The following LPP variants were observed in gnomAD, a reference collection of about 807,000 sequenced individuals.
LPP encodes lipoma-preferred partner.
In LPP, 38 loss-of-function variants were observed where a neutral mutation model predicts 60.4. The observed-to-expected ratio is 0.63, with a 90% confidence interval of 0.49 to 0.83. LPP has a LOEUF of 0.83. Ranked by LOEUF, LPP falls within the 40% of genes least tolerant of loss-of-function variation. The pLI, the probability that LPP is intolerant of heterozygous loss-of-function variation, is 0.00. For synonymous variants in LPP, 328 were observed against 290.8 expected (o/e 1.13, Z -1.30); for missense variants, 902 against 783.6 (o/e 1.15, Z -1.80).
chr3:188,817,457 T>C (rs1752769419), intron 9 of LPP, among the ~76,000 whole-genome samples: 1 of 152,242 alleles, frequency 6.6e-6, no homozygotes, highest in African/African-American at 2.4e-5. Context: ...CACTTAGTTC[T>C]GTATTATAGA....
chr3:188,244,007 C>T (rs1725958589), intron 2 of LPP, among the ~76,000 whole-genome samples: 1 of 152,114 alleles, frequency 6.6e-6, no homozygotes, highest in South Asian at 2.1e-4. Flanking sequence ...TCCTGAGTAG[C>T]TTACAGGTGC....
intron 9 of LPP, among the ~76,000 whole-genome samples, chr3:188,846,458 C>T (rs948263670): frequency 5.9e-5 from 9 of 151,834 alleles, no homozygotes; most frequent in East Asian, 3.9e-4. Flanking sequence ...CTGAGGCGGG[C>T]GGATCACGTG....
rs1230286064 is a variant in LPP at position 188,602,158 on chromosome 3, A to ATG, written c.430-7002_430-7001insGT. 4.0e-5 allele frequency among the ~76,000 whole-genome samples: 5 copies of ATG among 125,564 alleles called. 1 individual carries two copies. Among genetic ancestry groups the ATG allele is most frequent in the Non-Finnish European group, 1.8e-5 (1 of 56,784 alleles). The allele number at this position is 125,564 out of a possible 152,430, so 82.4% of individuals were successfully genotyped here. A position where few individuals can be genotyped will look rare whatever the true frequency, so the allele number is the denominator to read the frequency against. On this transcript the variant is annotated intron_variant, in intron 6 of 11. Transcript: ENST00000617246. ...TCTTAATCTCATATATATATAATAT[A>ATG]TATATAATATATATATATTATATAT...
intron 1 of LPP, among the ~76,000 whole-genome samples, chr3:188,156,192 G>C (rs1177487370): frequency 6.6e-6 from 1 of 152,158 alleles, no homozygotes; most frequent in Non-Finnish European, 1.5e-5. Flanking sequence ...GGGTCTGGCA[G>C]TCCCCCCAGA....
At chr3:188,252,899 G>A (rs1386195245) in intron 2 of LPP, among the ~76,000 whole-genome samples, 1 of 152,148 alleles carries the variant, frequency 6.6e-6, no homozygotes, top group Non-Finnish European at 1.5e-5. Context: ...AACCTCCCAA[G>A]TAGCTGGGAT....
chr3:188,453,328 G>A (rs1029020529), intron 4 of LPP, among the ~76,000 whole-genome samples: 1 of 151,852 alleles, frequency 6.6e-6, no homozygotes, highest in African/African-American at 2.4e-5. Context: ...TTTGAGACAG[G>A]GTCTCACTCC....
chr3:188,780,816 T>G (rs1739397593), intron 9 of LPP, among the ~76,000 whole-genome samples: 1 of 152,178 alleles, frequency 6.6e-6, no homozygotes, highest in Non-Finnish European at 1.5e-5. Context: ...GCCAGAAAAT[T>G]TACATATGTG....
chr3:188,602,694 A>T, intron 6 of LPP, among the ~76,000 whole-genome samples: 1 of 149,650 alleles, frequency 6.7e-6, no homozygotes. Context: ...GTGATATAGA[A>T]ATATTTTTTT....
chr3:188,296,642 C>G (rs1747993580), intron 2 of LPP, among the ~76,000 whole-genome samples: 2 of 152,224 alleles, frequency 1.3e-5, no homozygotes, highest in Admixed American at 6.5e-5. Flanking sequence ...CACACAGAGG[C>G]AGATGGCAAT....
At chr3:188,354,955 T>C (rs1374775381) in intron 3 of LPP, among the ~76,000 whole-genome samples, 1 of 152,210 alleles carries the variant, frequency 6.6e-6, no homozygotes, top group African/African-American at 2.4e-5. Flanking sequence ...TTCCAGTAGA[T>C]TGGGAGCACC....
intron 4 of LPP, among the ~76,000 whole-genome samples, chr3:188,432,604 T>C (rs1169650437): frequency 6.6e-6 from 1 of 151,976 alleles, no homozygotes; most frequent in Admixed American, 6.6e-5. Flanking sequence ...CAGGTTATCC[T>C]TGTGTTGGGG....
chr3:188,251,534 C>A (rs1033772480), intron 2 of LPP, among the ~76,000 whole-genome samples: 1 of 151,912 alleles, frequency 6.6e-6, no homozygotes, highest in Non-Finnish European at 1.5e-5. Flanking sequence ...GTAAACAAAA[C>A]CTACGTGTAT....
chr3:188,556,554 ACT>A (rs919206528), intron 6 of LPP, among the ~76,000 whole-genome samples: 3 of 147,926 alleles, frequency 2.0e-5, no homozygotes, highest in Non-Finnish European at 4.5e-5. Flanking sequence ...AATCATACAA[ACT>A]CTTTCTAGAG....
intron 9 of LPP, among the ~76,000 whole-genome samples, chr3:188,788,803 AC>A (rs1418601483): frequency 6.6e-6 from 1 of 151,958 alleles, no homozygotes; most frequent in Non-Finnish European, 1.5e-5. Flanking sequence ...CCGGCTCTAA[AC>A]CTTTTAGTCA....
chr3:188,468,100 A>T (rs2149496488), intron 4 of LPP, among the ~76,000 whole-genome samples: 1 of 152,274 alleles, frequency 6.6e-6, no homozygotes, highest in African/African-American at 2.4e-5. Context: ...ATATGAAAAG[A>T]ATACGAAATG....
chr3:188,367,434 T>C (rs1435693209), intron 3 of LPP, among the ~76,000 whole-genome samples: 1 of 152,150 alleles, frequency 6.6e-6, no homozygotes, highest in African/African-American at 2.4e-5. Context: ...ATAGATCTGG[T>C]ATAGATAAAA....
chr3:188,519,311 C>A (rs1331016958), intron 5 of LPP, among the ~76,000 whole-genome samples: 2 of 152,140 alleles, frequency 1.3e-5, no homozygotes, highest in Non-Finnish European at 2.9e-5. Context: ...GATATTCCTG[C>A]CTGACTTATT....
At chr3:188,567,450 C>T (rs2150780979) in intron 6 of LPP, among the ~76,000 whole-genome samples, 1 of 151,670 alleles carries the variant, frequency 6.6e-6, no homozygotes, top group Admixed American at 6.6e-5. Flanking sequence ...CATTGTAACA[C>T]ATATTAAGTG....
chr3:188,599,094 C>A (rs749936867), intron 6 of LPP, among the ~76,000 whole-genome samples: 7 of 152,236 alleles, frequency 4.6e-5, no homozygotes, highest in Admixed American at 4.6e-4. Flanking sequence ...TTATCCAGTG[C>A]TGGACACATG....
Sources: gnomAD v4.1 joint callset for allele counts (sites outside exome capture counted in the v4.1 genomes callset) on GRCh38, gnomAD v4.1.1 for gene constraint, MANE v1.5 for transcripts, NCBI Gene and HGNC (gene_info 2026-07-23, HGNC 2026-07-21) for gene names.